Variants in NID1 observed in about 807,000 individuals in gnomAD.
NID1 encodes the protein nidogen 1, also known as nidogen-1.
A neutral mutation model predicts 130.6 loss-of-function variants in NID1; 76 were observed. The observed-to-expected ratio is 0.58, with a 90% confidence interval of 0.48 to 0.70. The LOEUF is 0.70. Ranked by LOEUF, NID1 falls within the 30% of genes least tolerant of loss-of-function variation. The probability of loss-of-function intolerance (pLI) is 0.00; values close to 1 mark genes in which losing one functional copy is unlikely to be tolerated. For missense variants in NID1, 1,517 were observed against 1,664.8 expected, an observed-to-expected ratio of 0.91 and a Z score of 1.54; for synonymous variants, 665 against 675.1, an observed-to-expected ratio of 0.98 and a Z score of 0.23.
Position 235,979,875 on chromosome 1 carries a change from A to G in NID1, c.3456T>C (p.Tyr1152=). 1 of 1,614,106 alleles carries G rather than the reference A, an allele frequency of 6.2e-7. No individual in the cohort carries two copies. The highest frequency in any genetic ancestry group is 8.5e-7 in the Non-Finnish European group (1 of 1,179,992). Reference sequence around the variant, plus strand: ...TCCCGTAGCTCGTCACAGCAAAAGGATACTGGAGCCCTTCGAGAGCCTTGC... The same window carrying G: ...TCCCGTAGCTCGTCACAGCAAAAGGGTACTGGAGCCCTTCGAGAGCCTTGC... ...SRRKALEGLQ[Y]PFAVTSYGKN... Residue 1152 remains tyrosine, a synonymous_variant, in exon 18 of 20, where the codon TAT becomes TAC. Transcript: ENST00000264187. The surrounding 1 kb of genome is among the most constrained non-coding windows in gnomAD (Gnocchi z 4.6).
At chr1:236,060,791 G>C (rs752320225) in intron 1 of NID1, 1 of 151,982 alleles carries the variant, frequency 6.6e-6, no homozygotes, top group African/African-American at 2.4e-5. Context: ...AATCTGTTGG[G>C]TTCTTTAAAT....
At chr1:236,018,962 T>C (rs986750125) in intron 9 of NID1, among the ~76,000 whole-genome samples, 2 of 152,348 alleles carry the variant, frequency 1.3e-5, no homozygotes, top group Admixed American at 1.3e-4. Context: ...TGGTCAACAT[T>C]GCACAAGACA....
chr1:236,034,612 G>A (rs1659199246), intron 5 of NID1, among the ~76,000 whole-genome samples: 2 of 152,128 alleles, frequency 1.3e-5, no homozygotes, highest in South Asian at 4.1e-4. Context: ...CAGAAAGTAG[G>A]TGAGGGCTTG....
At chr1:236,057,042 T>G (rs1659915725) in intron 1 of NID1, among the ~76,000 whole-genome samples, 1 of 152,194 alleles carries the variant, frequency 6.6e-6, no homozygotes, top group Non-Finnish European at 1.5e-5. Context: ...GTGGATCACC[T>G]GAGGTCAGGA....
intron 9 of NID1, among the ~76,000 whole-genome samples, chr1:236,019,619 C>T (rs977120221): frequency 5.9e-5 from 9 of 152,222 alleles, no homozygotes; most frequent in Admixed American, 2.6e-4. Flanking sequence ...CCTCCACCTC[C>T]ATGCCGGCTT....
At chr1:236,038,789 ATAGGTCATATATAATATATATTACC>A (rs1317662194) in intron 4 of NID1, among the ~76,000 whole-genome samples, 2 of 123,806 alleles carry the variant, frequency 1.6e-5, no homozygotes, top group African/African-American at 3.3e-5. Context: ...CCTATGCTAT[ATAGGTCATATATAATATATATTACC>A]TATGTTATAT....
chr1:236,057,121 T>C (rs1659917418), intron 1 of NID1, among the ~76,000 whole-genome samples: 1 of 151,778 alleles, frequency 6.6e-6, no homozygotes, highest in Non-Finnish European at 1.5e-5. Context: ...TAGCCAGGCG[T>C]GGTGGTGGGT....
intron 9 of NID1, among the ~76,000 whole-genome samples, chr1:236,021,033 C>T (rs1250902234): frequency 6.6e-6 from 1 of 152,232 alleles, no homozygotes; most frequent in Non-Finnish European, 1.5e-5. Context: ...CACAGTTCAA[C>T]AGCAGCAGAC....
chr1:236,057,193 A>G (rs187542434), intron 1 of NID1, among the ~76,000 whole-genome samples: 222 of 152,146 alleles, frequency 1.5e-3, no homozygotes, highest in Admixed American at 4.5e-3. Flanking sequence ...CGGGAGGTGG[A>G]GCCTGCAGTG....
intron 13 of NID1, among the ~76,000 whole-genome samples, chr1:235,991,851 C>T (rs1458571856): frequency 6.6e-6 from 1 of 152,180 alleles, no homozygotes; most frequent in Non-Finnish European, 1.5e-5. Flanking sequence ...TTGCCCCATA[C>T]AGTGCACTCT....
rs758775585 is a variant in NID1 at position 236,013,500 on chromosome 1, G to C, written c.2315C>G (p.Pro772Arg). The C allele has an allele frequency of 6.2e-7, 1 of 1,613,634 alleles. No individual in the cohort carries two copies. Among genetic ancestry groups the C allele is most frequent in the Non-Finnish European group, 8.5e-7 (1 of 1,179,876 alleles). Residue 772 changes from proline (P) to arginine (R), a missense_variant, in exon 11 of 20, where the codon CCC (proline) becomes CGC (arginine). Pro to Arg is a moderately radical substitution (Grantham distance 103). Transcript: ENST00000264187. ...TGTGTAGATACACTGGGCCCGCTGG[G>C]GTATGTCGCAGTTATGAAGGCCAGT... The part of the protein sequence containing the change: ...CETGLHNCDI[P>R]QRAQCIYTGG...
At chr1:236,006,014 G>T (rs1170367885) in intron 12 of NID1, among the ~76,000 whole-genome samples, 1 of 152,196 alleles carries the variant, frequency 6.6e-6, no homozygotes, top group Non-Finnish European at 1.5e-5. Context: ...GGAACTAAGA[G>T]CTCCTGTCTC....
chr1:236,043,039 T>C (rs899459474), intron 3 of NID1, among the ~76,000 whole-genome samples: 6 of 152,158 alleles, frequency 3.9e-5, no homozygotes, highest in Admixed American at 2.6e-4. Context: ...AGAGAGCTTC[T>C]GGGTTGAACA....
At chr1:235,988,139 T>C (rs990849152) in intron 14 of NID1, among the ~76,000 whole-genome samples, 4 of 152,190 alleles carry the variant, frequency 2.6e-5, no homozygotes, top group African/African-American at 7.2e-5. Flanking sequence ...TTGCGAATCA[T>C]GTATCTTTTA....
Position 235,978,131 on chromosome 1 carries a change from A to T in NID1, c.3623-143T>A, listed in dbSNP as rs1454169194. 4.3e-6 allele frequency: 4 copies of T among 930,790 alleles called. No homozygotes were observed. In the East Asian group the frequency reaches 1.0e-4, roughly 24 times the overall value. 57.7% of individuals were successfully genotyped at this position (930,790 alleles called of 1,614,324 possible). A position where few individuals can be genotyped will look rare whatever the true frequency, so the allele number is the denominator to read the frequency against. ...AGGAAGGCTTCAGGAGAATGGGGAC[A>T]CTGTGCTAGGCAGTCAGCTGAGCTG... On this transcript the variant is annotated intron_variant, in intron 19 of 19. Coordinates refer to ENST00000264187, the MANE Select transcript of NID1 (RefSeq NM_002508.3).
At chr1:236,058,819 A>C (rs1659967381) in intron 1 of NID1, among the ~76,000 whole-genome samples, 1 of 152,234 alleles carries the variant, frequency 6.6e-6, no homozygotes, top group African/African-American at 2.4e-5. Context: ...GTAGAAACAA[A>C]TAAGAAACAA....
intron 11 of NID1, among the ~76,000 whole-genome samples, chr1:236,012,558 C>CAAAAAAAAAAAAA (rs56183830): frequency 1.0e-4 from 10 of 97,994 alleles, no homozygotes; most frequent in Non-Finnish European, 1.7e-4. Context: ...AATGCCATCT[C>CAAAAAAAAAAAAA]AAAAAAAAAA....
At chr1:236,017,424 G>A (rs1442772398) in intron 9 of NID1, 151 bp from the exon 10 acceptor site, 15 of 830,854 alleles carry the variant, frequency 1.8e-5, no homozygotes, top group South Asian at 9.5e-5. Flanking sequence ...TTGCTCTGTC[G>A]CCCAGAGCTG....
intron 4 of NID1, among the ~76,000 whole-genome samples, 173 bp from the exon 5 acceptor site, chr1:236,038,426 GT>G (rs1468118058): frequency 6.6e-6 from 1 of 152,176 alleles, no homozygotes; most frequent in Non-Finnish European, 1.5e-5. Context: ...CACTTAAATA[GT>G]TACGTGAGCC....
Sources: gnomAD v4.1 joint callset for allele counts (sites outside exome capture counted in the v4.1 genomes callset) on GRCh38, gnomAD v4.1.1 for gene constraint, Gnocchi (gnomAD v3.1) non-coding constraint, MANE v1.5 for transcripts, NCBI Gene and HGNC (gene_info 2026-07-23, HGNC 2026-07-21) for gene names.